The following COPS7B variants were observed in gnomAD, a reference collection of about 807,000 sequenced individuals.
COPS7B encodes COP9 signalosome complex subunit 7b.
In COPS7B, 9 loss-of-function variants were observed where a neutral mutation model predicts 33.4. The ratio of observed to expected loss-of-function variants is 0.27; its 90% CI spans 0.16 to 0.47. COPS7B has a LOEUF of 0.47. Among genes scored for constraint, COPS7B ranks in the 20% least tolerant of loss-of-function variants. The pLI is 0.99. For missense variants in COPS7B, 242 were observed against 318.2 expected, an observed-to-expected ratio of 0.76 and a Z score of 1.82; for synonymous variants, 119 against 126.3, an observed-to-expected ratio of 0.94 and a Z score of 0.39.
chr2:231,804,244 G>A (rs970546577), intron 6 of COPS7B, among the ~76,000 whole-genome samples: 1 of 138,240 alleles, frequency 7.2e-6, no homozygotes, highest in African/African-American at 3.2e-5. Context: ...TGTAGTATAA[G>A]CTGATTTTTT....
At chr2:231,788,010 A>T (rs1026008633) in intron 1 of COPS7B, among the ~76,000 whole-genome samples, 1 of 152,218 alleles carries the variant, frequency 6.6e-6, no homozygotes, top group South Asian at 2.1e-4. Flanking sequence ...GAGGAGGGAC[A>T]GGTGGAAGTG....
intron 1 of COPS7B, among the ~76,000 whole-genome samples, chr2:231,787,571 G>T (rs1559351846): frequency 7.0e-6 from 1 of 143,528 alleles, no homozygotes; most frequent in Non-Finnish European, 1.5e-5. Flanking sequence ...TTTTCTTGAG[G>T]TTTTTTTTTT....
intron 5 of COPS7B, among the ~76,000 whole-genome samples, chr2:231,797,146 G>A (rs1168420528): frequency 6.6e-6 from 1 of 152,164 alleles, no homozygotes; most frequent in Non-Finnish European, 1.5e-5. Context: ...AAGCAGACCC[G>A]GTGAGCTTTG....
intron 5 of COPS7B, among the ~76,000 whole-genome samples, chr2:231,797,612 G>A (rs776480561): frequency 4.6e-5 from 7 of 152,172 alleles, no homozygotes; most frequent in Non-Finnish European, 8.8e-5. Context: ...ACCATGGGAT[G>A]TTTACTAGTA....
At chr2:231,806,771 C>T (rs2049906641) in intron 6 of COPS7B, among the ~76,000 whole-genome samples, 1 of 152,074 alleles carries the variant, frequency 6.6e-6, no homozygotes, top group Non-Finnish European at 1.5e-5. Context: ...GGAGTATCTT[C>T]CATAGATGTT....
chr2:231,787,025 C>T lies in COPS7B; in HGVS notation c.-17+487C>T, dbSNP rs568804635. Among the ~76,000 whole-genome samples, 22 of 152,258 alleles carry T rather than the reference C, an allele frequency of 1.4e-4. 1 individual carries two copies. In the South Asian group the frequency reaches 4.6e-3, roughly 32 times the overall value. ...CCACCCCCACCTCCTAACATTGGGA[C>T]TCTTTGCAGAGATCCCCATCTGTCT... On this transcript the variant is annotated intron_variant, in intron 1 of 6. Coordinates refer to ENST00000350033, the MANE Select transcript of COPS7B (RefSeq NM_022730.4).
intron 2 of COPS7B, chr2:231,789,993 A>G (rs2049365340): frequency 1.3e-5 from 2 of 151,790 alleles, no homozygotes; most frequent in African/African-American, 4.8e-5. Context: ...CGAACTATAA[A>G]CTCTGTGAGG....
chr2:231,791,871 T>C, intron 3 of COPS7B, 63 bp downstream of exon 3: 1 of 1,462,210 alleles, frequency 6.8e-7, no homozygotes, highest in South Asian at 1.1e-5. Flanking sequence ...TGGAAGACCA[T>C]CAAGGTTTGA....
chr2:231,781,759 T>C (rs187624045), upstream of COPS7B: 710 of 1,402,472 alleles, frequency 5.1e-4, 1 homozygote, highest in Admixed American at 7.6e-4. Context: ...GCCCGCTGAG[T>C]TGGTCGTTTC....
upstream of COPS7B, chr2:231,786,270 G>A: frequency 5.0e-6 from 1 of 201,876 alleles, no homozygotes; most frequent in Non-Finnish European, 8.8e-6. Context: ...CCCCCTCCCC[G>A]CCTGGTTCCC....
intron 3 of COPS7B, chr2:231,792,406 T>C (rs1465911241): frequency 8.8e-6 from 2 of 226,112 alleles, no homozygotes; most frequent in African/African-American, 4.7e-5. Context: ...GCAGCAGAAT[T>C]GCTTGAACCT....
chr2:231,805,065 A>G (rs1488863883), intron 6 of COPS7B, among the ~76,000 whole-genome samples: 1 of 152,214 alleles, frequency 6.6e-6, no homozygotes, highest in Non-Finnish European at 1.5e-5. Context: ...TGGGCATGAT[A>G]GTATGTGTCT....
chr2:231,788,791 T>C (rs1216334073), intron 2 of COPS7B, 59 bp downstream of exon 2: 26 of 1,530,154 alleles, frequency 1.7e-5, no homozygotes, highest in Non-Finnish European at 2.2e-5. Flanking sequence ...TCTCCAGGTT[T>C]CCAAAGAATT....
upstream of COPS7B, chr2:231,781,747 C>T: frequency 1.5e-6 from 2 of 1,304,970 alleles, no homozygotes; most frequent in Non-Finnish European, 1.1e-6. Flanking sequence ...ATTCACAAAC[C>T]CGCCCGCTGA....
At chr2:231,801,123 A>G (rs1446089900) in intron 6 of COPS7B, 1 of 1,550,072 alleles carries the variant, frequency 6.5e-7, no homozygotes, top group Non-Finnish European at 8.7e-7. Context: ...TCTTTTCTTT[A>G]TTTGTCCTTA....
At chr2:231,788,136 GTTT>G (rs576680336) in intron 1 of COPS7B, among the ~76,000 whole-genome samples, 7 of 114,086 alleles carry the variant, frequency 6.1e-5, no homozygotes, top group African/African-American at 1.5e-4. Flanking sequence ...CTCAGGAACT[GTTT>G]TTTTTTTTTT....
Position 231,788,720 on chromosome 2 carries a change from C to G in COPS7B, c.150C>G (p.Ala50=). The change falls in exon 2 of 7, where the codon GCC becomes GCG. Residue 50 remains alanine (A), a synonymous_variant. Transcript: ENST00000350033. The part of the protein sequence containing the change: ...VYVFGELLEL[A]NVQELAEGAN... ...TCTTTGGAGAACTTCTGGAGCTGGC[C>G]AACGTGCAGGAGGTAAGAACGGTTT... 6.2e-7 allele frequency: 1 copy of G among 1,613,808 alleles called. No individual in the cohort carries two copies. Among genetic ancestry groups the G allele is most frequent in the Non-Finnish European group, 8.5e-7 (1 of 1,179,932 alleles).
chr2:231,802,257 A>T (rs2049772259), intron 6 of COPS7B, among the ~76,000 whole-genome samples: 1 of 152,182 alleles, frequency 6.6e-6, no homozygotes, highest in Non-Finnish European at 1.5e-5. Flanking sequence ...GACAATCTTG[A>T]GATTTATACA....
In COPS7B at chr2:231,808,798, G is replaced by GGGGGGT. The variant is rs1553564811; in HGVS notation, c.*1154_*1155insGGGGTG. ...TGGTTGGAGGGTGGGGGTGGGGTGGGGTGTGTGTGTGTGTGTGTGTGTGTG... is the reference window on the plus strand; with the variant it reads ...TGGTTGGAGGGTGGGGGTGGGGTGGGGGGGGTGTGTGTGTGTGTGTGTGTGTGTGTG... On this transcript the variant is annotated 3_prime_UTR_variant, in exon 7 of 7. Coordinates refer to ENST00000350033, the MANE Select transcript of COPS7B (RefSeq NM_022730.4). 1 of 75,804 alleles carries GGGGGGT rather than the reference G, an allele frequency of 1.3e-5. No individual in the cohort carries two copies. Among genetic ancestry groups the GGGGGGT allele is most frequent in the South Asian group, 3.9e-4 (1 of 2,584 alleles). 4.7% of individuals were successfully genotyped at this position (75,804 alleles called of 1,614,324 possible). A position where few individuals can be genotyped will look rare whatever the true frequency, so the allele number is the denominator to read the frequency against.
Sources: allele counts gnomAD v4.1 joint callset (sites outside exome capture counted in the v4.1 genomes callset), GRCh38; gene constraint gnomAD v4.1.1; transcripts MANE v1.5; gene names NCBI Gene and HGNC (gene_info 2026-07-23, HGNC 2026-07-21).